Variants in MMP20 observed in about 807,000 individuals in gnomAD.
MMP20 encodes matrix metalloproteinase-20.
A neutral mutation model predicts 51.8 loss-of-function variants in MMP20; 50 were observed. The ratio of observed to expected loss-of-function variants is 0.97; its 90% CI spans 0.77 to 1.22. The LOEUF (loss-of-function observed/expected upper bound fraction) is 1.22. MMP20 is among the 50% of genes most tolerant of loss of function. The pLI is 0.00. For synonymous variants in MMP20, 244 were observed against 216.2 expected (o/e 1.13, Z -1.13); for missense variants, 663 against 601.4 (o/e 1.10, Z -1.07).
At chr11:102,598,474 T>C (rs1859408843) in intron 6 of MMP20, among the ~76,000 whole-genome samples, 2 of 152,366 alleles carry the variant, frequency 1.3e-5, no homozygotes, top group South Asian at 4.1e-4. Context: ...TCTTATGCTA[T>C]GCTGGCACAT....
intron 6 of MMP20, among the ~76,000 whole-genome samples, chr11:102,595,422 A>C (rs1303069074): frequency 1.3e-5 from 2 of 152,214 alleles, no homozygotes; most frequent in Non-Finnish European, 2.9e-5. Context: ...CCCCCATTCC[A>C]AATATCACTT....
chr11:102,617,025 C>T lies in MMP20; in HGVS notation c.161G>A (p.Gly54Glu). 1 of 1,614,122 alleles carries T rather than the reference C, an allele frequency of 6.2e-7. No individual in the cohort carries two copies. Among genetic ancestry groups the T allele is most frequent in the African/African-American group, 1.3e-5 (1 of 75,034 alleles). ...YLDKYYTNKE[G>E]HQIGEMVARG... is the part of the protein sequence containing the mutation. The stretch of plus-strand genomic sequence containing the variant: ...TGCAACCATCTCACCAATCTGGTGT[C>T]CTTCTTTATTTGTGTAATATTTGTC... The change falls in exon 2 of 10, where the codon GGA (glycine) becomes GAA (glutamate). Residue 54 changes from glycine to glutamate, a missense_variant. By Grantham distance (98) the Gly-to-Glu change is moderately conservative. Coordinates refer to ENST00000260228, the MANE Select transcript of MMP20 (RefSeq NM_004771.4).
intron 6 of MMP20, among the ~76,000 whole-genome samples, chr11:102,602,083 G>T: frequency 6.9e-6 from 1 of 145,460 alleles, no homozygotes. Flanking sequence ...CCGAGTAGCT[G>T]GGATTACAGG....
At chr11:102,593,259 C>G (rs1178546332) in intron 8 of MMP20, among the ~76,000 whole-genome samples, 180 bp downstream of exon 8, 1 of 152,218 alleles carries the variant, frequency 6.6e-6, no homozygotes, top group African/African-American at 2.4e-5. Flanking sequence ...TTTCACTCAT[C>G]ATTTTGATGG....
intron 6 of MMP20, 151 bp from the exon 7 acceptor site, chr11:102,594,908 CT>C (rs10532934): frequency 3.8e-3 from 2,971 of 780,718 alleles, no homozygotes; most frequent in South Asian, 5.7e-3. Flanking sequence ...TTTCTCTTTT[CT>C]TTTTTTTTTT....
chr11:102,579,838 A>G (rs1464634685), intron 8 of MMP20, among the ~76,000 whole-genome samples: 2 of 152,088 alleles, frequency 1.3e-5, no homozygotes, highest in East Asian at 3.9e-4. Context: ...GGAACTCTCT[A>G]TATTTTTTAT....
chr11:102,606,744 G>A, intron 5 of MMP20, 68 bp from the exon 6 acceptor site: 4 of 1,572,896 alleles, frequency 2.5e-6, no homozygotes, highest in Non-Finnish European at 3.5e-6. Context: ...CTGCTCTAGA[G>A]CCCCAGGGGA....
intron 6 of MMP20, among the ~76,000 whole-genome samples, chr11:102,596,497 G>A (rs1051828613): frequency 1.3e-5 from 2 of 152,198 alleles, no homozygotes; most frequent in African/African-American, 4.8e-5. Flanking sequence ...ATTATAAACT[G>A]TAAGGTGCCA....
chr11:102,619,658 A>G (rs767884946), intron 1 of MMP20, among the ~76,000 whole-genome samples: 3 of 152,218 alleles, frequency 2.0e-5, no homozygotes, highest in Non-Finnish European at 4.4e-5. Flanking sequence ...GTTGTCTCAC[A>G]CTAATCCTGG....
At chr11:102,606,186 G>A (rs1456378846) in intron 6 of MMP20, among the ~76,000 whole-genome samples, 2 of 152,206 alleles carry the variant, frequency 1.3e-5, no homozygotes, top group Non-Finnish European at 2.9e-5. Context: ...TGGTGTCCTA[G>A]CTCAGCCATT....
In MMP20 at chr11:102,576,845, T is replaced by C. The variant is rs1269175482; in HGVS notation, c.*481A>G. 1.2e-5 allele frequency: 2 copies of C among 172,062 alleles called. No homozygotes were observed. Among genetic ancestry groups the C allele is most frequent in the Non-Finnish European group, 2.5e-5 (2 of 79,636 alleles). 10.7% of individuals were successfully genotyped at this position (172,062 alleles called of 1,614,324 possible). On this transcript the variant is annotated 3_prime_UTR_variant, in exon 10 of 10. Coordinates refer to ENST00000260228, the MANE Select transcript of MMP20 (RefSeq NM_004771.4). ...TCTTATGCAGTATTTTGTTGTGATGTCTTTTAAGTAAAAATTGGGAAATTT... is the reference window on the plus strand; with the variant it reads ...TCTTATGCAGTATTTTGTTGTGATGCCTTTTAAGTAAAAATTGGGAAATTT...
In MMP20 at chr11:102,597,882, C is replaced by T. The variant is rs185157827; in HGVS notation, c.954-3125G>A. 1.8e-3 allele frequency among the ~76,000 whole-genome samples: 275 copies of T among 152,224 alleles called. 5 individuals are homozygous for T. The highest frequency in any genetic ancestry group is 2.4e-4 in the Non-Finnish European group (16 of 68,020). Reference sequence around the variant, plus strand: ...TCCTGGGTTCAAGCAATTCTCCTGCCTCAGCCTCCCGAGTAGCTGGGATTA... The same window carrying T: ...TCCTGGGTTCAAGCAATTCTCCTGCTTCAGCCTCCCGAGTAGCTGGGATTA... On this transcript the variant is annotated intron_variant, in intron 6 of 9. Coordinates refer to ENST00000260228, the MANE Select transcript of MMP20 (RefSeq NM_004771.4).
chr11:102,610,917 G>C (rs1859590809), intron 3 of MMP20, among the ~76,000 whole-genome samples: 1 of 152,148 alleles, frequency 6.6e-6, no homozygotes, highest in Non-Finnish European at 1.5e-5. Flanking sequence ...CTGTAAGCTT[G>C]AAAGATCAAG....
At chr11:102,606,948 A>G (rs752332457) in intron 5 of MMP20, 11 of 444,688 alleles carry the variant, frequency 2.5e-5, no homozygotes, top group Non-Finnish European at 4.2e-5. Flanking sequence ...CTGTTGTGAG[A>G]ATTAAATAAT....
Position 102,593,380 on chromosome 11 carries a change from T to C in MMP20, c.1247+59A>G, listed in dbSNP as rs1859340205. 2.5e-6 allele frequency: 4 copies of C among 1,576,286 alleles called. No homozygotes were observed. The South Asian group carries it at 4.5e-5, about 18-fold the overall frequency. Reference sequence around the variant, plus strand: ...GCATTCTTTCGTGGAAGGGTTTTTATCTTTTTAAAATCATTCTCATTAAAT... The same window carrying C: ...GCATTCTTTCGTGGAAGGGTTTTTACCTTTTTAAAATCATTCTCATTAAAT... On this transcript the variant is annotated intron_variant, in intron 8 of 9. Coordinates refer to ENST00000260228, the MANE Select transcript of MMP20 (RefSeq NM_004771.4).
Position 102,579,144 on chromosome 11 carries a change from T to C in MMP20, c.1248-2A>G, listed in dbSNP as rs1294430028. ...ATTTTCCTTTTCCTTTCGTCGTAGC[T>C]AGAAAAAGTATTATTTCATAAATAA... On this transcript the variant is annotated splice_acceptor_variant, in intron 8 of 9. Transcript: ENST00000260228. LOFTEE classifies it high-confidence loss of function. The C allele has an allele frequency of 6.3e-6, 10 of 1,591,622 alleles. No homozygotes were observed. Among genetic ancestry groups the C allele is most frequent in the Non-Finnish European group, 8.6e-6 (10 of 1,160,004 alleles).
At chr11:102,608,370 C>T (rs1364414241) in intron 5 of MMP20, among the ~76,000 whole-genome samples, 2 of 152,170 alleles carry the variant, frequency 1.3e-5, no homozygotes, top group African/African-American at 2.4e-5. Flanking sequence ...AATATTAATA[C>T]TTGAGGTAAC....
intron 8 of MMP20, among the ~76,000 whole-genome samples, chr11:102,590,305 T>G (rs1326393067): frequency 6.6e-6 from 1 of 152,184 alleles, no homozygotes; most frequent in East Asian, 1.9e-4. Flanking sequence ...GTGGTTCTAG[T>G]TGGCAAAGTT....
intron 1 of MMP20, 125 bp downstream of exon 1, chr11:102,625,069 C>G: frequency 7.7e-7 from 1 of 1,291,638 alleles, no homozygotes; most frequent in East Asian, 2.5e-5. Flanking sequence ...ATCAGTTAGA[C>G]TTCAATGGAC....
Sources: gnomAD v4.1 joint callset for allele counts (sites outside exome capture counted in the v4.1 genomes callset) on GRCh38, gnomAD v4.1.1 for gene constraint, MANE v1.5 for transcripts, NCBI Gene and HGNC (gene_info 2026-07-23, HGNC 2026-07-21) for gene names.